MYO1H: variants seen among roughly 807,000 people sequenced by gnomAD.
MYO1H encodes the protein myosin IH.
In MYO1H, 118 loss-of-function variants were observed where a neutral mutation model predicts 149.3. That is an observed-to-expected ratio of 0.79 (90% CI 0.68 to 0.92). MYO1H has a LOEUF of 0.92. MYO1H is among the 40% of genes least tolerant of loss of function. The pLI is 0.00. For synonymous variants in MYO1H, 447 were observed against 465.2 expected, an observed-to-expected ratio of 0.96 and a Z score of 0.50; for missense variants, 1,212 against 1,280.7, an observed-to-expected ratio of 0.95 and a Z score of 0.82.
chr12:109,372,308 T>C (rs1298268469), intron 1 of MYO1H, among the ~76,000 whole-genome samples: 2 of 152,084 alleles, frequency 1.3e-5, no homozygotes, highest in African/African-American at 4.8e-5. Flanking sequence ...TGGTGTAAAA[T>C]ATGACATAGA....
chr12:109,393,388 A>C, exon 3 of MYO1H: 1 of 1,589,406 alleles, frequency 6.3e-7, no homozygotes, highest in Non-Finnish European at 8.6e-7. Context: ...CGGAATCTAC[A>C]CTGTGAGCCA....
the MYO1H span, among the ~76,000 whole-genome samples, chr12:109,331,712 A>G: frequency 7.9e-5 from 12 of 152,194 alleles, no homozygotes; most frequent in Non-Finnish European, 8.8e-5. Flanking sequence ...TGGATGGGGC[A>G]GTGGTTCATC....
At chr12:109,447,138 C>A (rs748476840) in intron 31 of MYO1H, 21 bp from the exon 32 acceptor site, 1 of 1,593,288 alleles carries the variant, frequency 6.3e-7, no homozygotes, top group Non-Finnish European at 8.6e-7. Context: ...GGCTGTAAAC[C>A]GAAGTGTGAC....
At chr12:109,393,696 C>A (rs1005147258) in intron 3 of MYO1H, among the ~76,000 whole-genome samples, 1 of 152,140 alleles carries the variant, frequency 6.6e-6, no homozygotes. Flanking sequence ...TCCATCGATA[C>A]ATCCATCCAT....
intron 1 of MYO1H, chr12:109,357,132 C>T (rs948967690): frequency 6.6e-6 from 1 of 152,212 alleles, no homozygotes; most frequent in South Asian, 2.1e-4. Context: ...AAACTACTAC[C>T]TGCTCTTTGC....
At chr12:109,410,625 A>G (rs1870622444) in intron 12 of MYO1H, 63 bp from the exon 13 acceptor site, 2 of 1,197,880 alleles carry the variant, frequency 1.7e-6, no homozygotes, top group African/African-American at 1.5e-5. Flanking sequence ...AAACCAATTT[A>G]AAACCAACTT....
At position 109,411,784 on chromosome 12, in the gene MYO1H, AT is replaced by A. The variant is rs1870686417; in HGVS notation, c.1411-108del. The A allele has an allele frequency of 1.6e-5, 11 of 703,870 alleles. No homozygotes were observed. The South Asian group carries it at 1.6e-4, about 10-fold the overall frequency. The allele number at this position is 703,870 out of a possible 1,614,324, so 43.6% of individuals were successfully genotyped here. A position where few individuals can be genotyped will look rare whatever the true frequency, so the allele number is the denominator to read the frequency against. ...AGAATGTTCACCTGCACTTACATGA[AT>A]TGACAGTCTTTTAGTCCAGTACTTT... On this transcript the variant is annotated intron_variant, in intron 13 of 31. Transcript: ENST00000310903.
intron 1 of MYO1H, chr12:109,357,311 T>A (rs1350865834): frequency 6.6e-6 from 1 of 152,230 alleles, no homozygotes; most frequent in Non-Finnish European, 1.5e-5. Flanking sequence ...TATCCCAACT[T>A]GAGGGATGTA....
In MYO1H at chr12:109,397,722, G is replaced by T. The variant is rs745788019; in HGVS notation, c.490-10G>T. On this transcript the variant is annotated splice_polypyrimidine_tract_variant and intron_variant, in intron 4 of 31. Transcript: ENST00000310903. Reference sequence around the variant, plus strand: ...CTTAAATGACAGTGAATGACACTTTGTATTCCAAGGCTTTTGGAAATGCCA... The same window carrying T: ...CTTAAATGACAGTGAATGACACTTTTTATTCCAAGGCTTTTGGAAATGCCA... The T allele has an allele frequency of 1.9e-6, 3 of 1,606,694 alleles. No homozygotes were observed. In the South Asian group the frequency reaches 3.3e-5, roughly 18 times the overall value.
chr12:109,323,002 G>A, the MYO1H span, among the ~76,000 whole-genome samples: 1 of 152,038 alleles, frequency 6.6e-6, no homozygotes. Context: ...AGCTACTCGG[G>A]AGGCTGAGGC....
intron 6 of MYO1H, among the ~76,000 whole-genome samples, chr12:109,401,841 G>T (rs1232777429): frequency 7.2e-5 from 11 of 151,948 alleles, no homozygotes; most frequent in African/African-American, 2.4e-4. Flanking sequence ...CTGGGCTCAA[G>T]TGATCCTCCC....
chr12:109,362,442 A>G (rs1173844978), intron 1 of MYO1H, among the ~76,000 whole-genome samples: 1 of 152,214 alleles, frequency 6.6e-6, no homozygotes, highest in Non-Finnish European at 1.5e-5. Flanking sequence ...TTGCAGGTTC[A>G]TGACTGAGAA....
chr12:109,439,410 A>G (rs771190357), intron 23 of MYO1H: 10 of 444,806 alleles, frequency 2.2e-5, no homozygotes, highest in Non-Finnish European at 3.2e-5. Flanking sequence ...CTGCTTCCTA[A>G]CTTTTTAAAA....
Position 109,404,426 on chromosome 12 carries a change from G to A in MYO1H, c.849+346G>A, listed in dbSNP as rs189878377. ...GAATCCGGGAGATGGAGGTTGCAATGAGCCGAGATTGTGCCACTGCACTCC... is the reference window on the plus strand; with the variant it reads ...GAATCCGGGAGATGGAGGTTGCAATAAGCCGAGATTGTGCCACTGCACTCC... On this transcript the variant is annotated intron_variant, in intron 7 of 31. Coordinates refer to ENST00000310903, the Ensembl canonical transcript of MYO1H. 2.9e-3 allele frequency among the ~76,000 whole-genome samples: 442 copies of A among 152,358 alleles called. 4 individuals carry two copies. Among genetic ancestry groups the A allele is most frequent in the African/African-American group, 9.6e-3 (398 of 41,584 alleles).
chr12:109,416,710 C>T (rs73194221), intron 15 of MYO1H, among the ~76,000 whole-genome samples: 9,727 of 152,076 alleles, frequency 0.064, 379 homozygotes, highest in Middle Eastern at 0.085. Flanking sequence ...GTAACTCGGC[C>T]GGGTGTGATG....
chr12:109,417,920 A>G (rs941016421), intron 15 of MYO1H, among the ~76,000 whole-genome samples: 1 of 151,276 alleles, frequency 6.6e-6, no homozygotes, highest in African/African-American at 2.4e-5. Context: ...GATTCATGCC[A>G]TTCTCCTGCC....
the MYO1H span, among the ~76,000 whole-genome samples, chr12:109,329,408 G>T: frequency 6.6e-6 from 1 of 152,270 alleles, no homozygotes; most frequent in South Asian, 2.1e-4. Flanking sequence ...GCCTTAGGTA[G>T]GGTTGCTTTC....
At chr12:109,409,619 G>T in exon 11 of MYO1H, 1 of 1,611,104 alleles carries the variant, frequency 6.2e-7, no homozygotes, top group Non-Finnish European at 8.5e-7. Context: ...TCTTTGACAA[G>T]AATGGGTATG....
At chr12:109,372,376 AG>A (rs1869001339) in intron 1 of MYO1H, among the ~76,000 whole-genome samples, 1 of 152,090 alleles carries the variant, frequency 6.6e-6, no homozygotes, top group Non-Finnish European at 1.5e-5. Flanking sequence ...TTTGAAAATT[AG>A]GTTGATAAAT....
Sources: allele counts gnomAD v4.1 joint callset (sites outside exome capture counted in the v4.1 genomes callset), GRCh38; gene constraint gnomAD v4.1.1; transcripts MANE v1.5; gene names NCBI Gene and HGNC (gene_info 2026-07-23, HGNC 2026-07-21).